The following PSMG2 variants were observed in gnomAD, a reference collection of about 807,000 sequenced individuals.
PSMG2 encodes CD40 ligand-activated specific transcript 3.
Under a neutral mutation model 31.5 loss-of-function variants are expected in PSMG2, and 21 were observed. The observed-to-expected ratio is 0.67, with a 90% confidence interval of 0.47 to 0.96. The LOEUF is 0.96. Ranked by LOEUF, PSMG2 falls within the 40% of genes least tolerant of loss-of-function variation. The probability of loss-of-function intolerance (pLI) is 0.00; values close to 1 mark genes in which losing one functional copy is unlikely to be tolerated. For missense variants in PSMG2, 318 were observed against 321.2 expected (o/e 0.99, Z 0.08); for synonymous variants, 120 against 110.4 (o/e 1.09, Z -0.54).
chr18:12,682,298 C>G (rs2039380134), intron 1 of PSMG2, among the ~76,000 whole-genome samples: 1 of 151,970 alleles, frequency 6.6e-6, no homozygotes, highest in Non-Finnish European at 1.5e-5. Context: ...CAAGTGATTC[C>G]CCCGCCTCAG....
intron 1 of PSMG2, chr18:12,691,332 A>G: frequency 6.8e-7 from 1 of 1,465,902 alleles, no homozygotes; most frequent in East Asian, 2.4e-5. Flanking sequence ...ATACAGGCAT[A>G]AAATTATTCT....
At chr18:12,703,635 T>A (rs1474637239) in intron 1 of PSMG2, among the ~76,000 whole-genome samples, 3 of 152,180 alleles carry the variant, frequency 2.0e-5, no homozygotes, top group Non-Finnish European at 4.4e-5. Flanking sequence ...GTCTGTTATG[T>A]GCGAGTATTA....
intron 1 of PSMG2, among the ~76,000 whole-genome samples, chr18:12,684,105 A>G (rs994926824): frequency 6.6e-6 from 1 of 151,222 alleles, no homozygotes; most frequent in African/African-American, 2.4e-5. Context: ...GCTCACTGCA[A>G]CCTCCACCTC....
chr18:12,711,271 C>G (rs2040328238), intron 2 of PSMG2, among the ~76,000 whole-genome samples: 1 of 149,742 alleles, frequency 6.7e-6, no homozygotes. Flanking sequence ...GACTCTGTCT[C>G]AAAAAAAAAG....
At chr18:12,705,874 T>A (rs1244154719) in intron 1 of PSMG2, among the ~76,000 whole-genome samples, 1 of 152,206 alleles carries the variant, frequency 6.6e-6, no homozygotes, top group Non-Finnish European at 1.5e-5. Context: ...TCACACTCAC[T>A]TTATTTTTCT....
chr18:12,665,034 A>T (rs1004685883), intron 1 of PSMG2: 4 of 147,790 alleles, frequency 2.7e-5, no homozygotes, highest in Non-Finnish European at 5.9e-5. Flanking sequence ...CCTGTTGCTC[A>T]AAAAAGGTTT....
At chr18:12,680,654 AAACT>A in intron 1 of PSMG2, 1 of 1,584,176 alleles carries the variant, frequency 6.3e-7, no homozygotes, top group Non-Finnish European at 8.6e-7. Flanking sequence ...TAAACTTAGT[AAACT>A]AACCTGTGTC....
chr18:12,715,223 G>A (rs1439905397), intron 3 of PSMG2, among the ~76,000 whole-genome samples: 1 of 152,002 alleles, frequency 6.6e-6, no homozygotes, highest in East Asian at 1.9e-4. Flanking sequence ...TGGCCAGGCT[G>A]GTCTCAAACT....
chr18:12,675,371 G>T (rs1471535868), intron 1 of PSMG2, among the ~76,000 whole-genome samples: 1 of 151,946 alleles, frequency 6.6e-6, no homozygotes, highest in Non-Finnish European at 1.5e-5. Context: ...ACTCCAGCCT[G>T]GGCAACAGAG....
intron 1 of PSMG2, among the ~76,000 whole-genome samples, chr18:12,676,513 A>G (rs1229073805): frequency 6.6e-6 from 1 of 151,772 alleles, no homozygotes; most frequent in African/African-American, 2.4e-5. Flanking sequence ...GAGCTCAAGC[A>G]ATCCACCCAT....
chr18:12,675,172 G>A (rs1489388146), intron 1 of PSMG2, among the ~76,000 whole-genome samples: 3 of 152,094 alleles, frequency 2.0e-5, no homozygotes, highest in Non-Finnish European at 2.9e-5. Context: ...TGAGGTGGGC[G>A]GATCATGAGG....
At chr18:12,710,838 G>A (rs2040322499) in intron 2 of PSMG2, among the ~76,000 whole-genome samples, 1 of 152,232 alleles carries the variant, frequency 6.6e-6, no homozygotes, top group Non-Finnish European at 1.5e-5. Context: ...GGTGGCCCAT[G>A]CTAGTAATCC....
At chr18:12,669,050 TTTTTTTTTG>T (rs2038873275) in intron 1 of PSMG2, among the ~76,000 whole-genome samples, 1 of 115,834 alleles carries the variant, frequency 8.6e-6, no homozygotes, top group Admixed American at 9.9e-5. Context: ...TTTTTTTTTT[TTTTTTTTTG>T]AGACAGAGTT....
rs546420731 is a variant in PSMG2 at position 12,724,074 on chromosome 18, C to G, written c.582-425C>G. 1.4e-4 allele frequency: 22 copies of G among 156,838 alleles called. 1 individual carries two copies. The South Asian group carries it at 4.5e-3, about 32-fold the overall frequency. 9.7% of individuals were successfully genotyped at this position (156,838 alleles called of 1,614,324 possible). On this transcript the variant is annotated intron_variant, in intron 5 of 6. Transcript: ENST00000317615. ...TCAGCGTTTTCGGAAGAAGTAGGAA[C>G]TTTTATTTCCTTTAATGATTCCATT...
chr18:12,671,830 AT>A (rs902418208), intron 1 of PSMG2, among the ~76,000 whole-genome samples: 1 of 151,170 alleles, frequency 6.6e-6, no homozygotes, highest in African/African-American at 2.4e-5. Context: ...TATAAAAAAC[AT>A]TTTTTTTGAG....
At chr18:12,687,189 C>T (rs1348947269) in intron 1 of PSMG2, among the ~76,000 whole-genome samples, 1 of 152,098 alleles carries the variant, frequency 6.6e-6, no homozygotes, top group Non-Finnish European at 1.5e-5. Flanking sequence ...TTGGAGATGA[C>T]CTACCCTCCC....
chr18:12,675,404 T>A (rs912863300), intron 1 of PSMG2, among the ~76,000 whole-genome samples: 12 of 151,590 alleles, frequency 7.9e-5, no homozygotes, highest in East Asian at 5.8e-4. Flanking sequence ...TCAAAAAAAA[T>A]AAATAAATAA....
In PSMG2 at chr18:12,673,411, C is replaced by G. The variant is rs532240201; in HGVS notation, c.-37+14638C>G. On this transcript the variant is annotated intron_variant, in intron 1 of 6. Transcript: ENST00000585331. Reference sequence around the variant, plus strand: ...ACAAGCAAACATGATCCAAACAGCACATGCAGATTCAGGGTAAGTAAATAC... The same window carrying G: ...ACAAGCAAACATGATCCAAACAGCAGATGCAGATTCAGGGTAAGTAAATAC... The G allele has an allele frequency of 1.6e-5, 26 of 1,606,980 alleles. No individual in the cohort carries two copies. In the Admixed American group the frequency reaches 2.7e-4, roughly 17 times the overall value.
At chr18:12,695,887 A>ACACACAC (rs1568030597) in intron 1 of PSMG2, among the ~76,000 whole-genome samples, 5 of 132,724 alleles carry the variant, frequency 3.8e-5, no homozygotes, top group African/African-American at 1.1e-4. Context: ...CACACACACT[A>ACACACAC]AAAATTAGAA....
Sources: allele counts gnomAD v4.1 joint callset (sites outside exome capture counted in the v4.1 genomes callset), GRCh38; gene constraint gnomAD v4.1.1; transcripts MANE v1.5; gene names NCBI Gene and HGNC (gene_info 2026-07-23, HGNC 2026-07-21).